Variants in GABBR2 observed in about 807,000 individuals in gnomAD.
GABBR2 encodes gamma-aminobutyric acid type B receptor subunit 2.
A neutral mutation model predicts 105.6 loss-of-function variants in GABBR2; 23 were observed. The ratio of observed to expected loss-of-function variants is 0.22; its 90% confidence interval spans 0.16 to 0.31. GABBR2 has a LOEUF of 0.31. GABBR2 is among the 10% of genes least tolerant of loss of function. The pLI is 1.00. For missense variants in GABBR2, 734 were observed against 1,245.5 expected (o/e 0.59, Z 6.18); for synonymous variants, 478 against 499.7 (o/e 0.96, Z 0.58).
chr9:98,475,900 T>TA (rs1376323979), intron 5 of GABBR2, among the ~76,000 whole-genome samples: 1 of 151,996 alleles, frequency 6.6e-6, no homozygotes, highest in Non-Finnish European at 1.5e-5. Context: ...TTGTCTGTAC[T>TA]AAAAAATACA....
chr9:98,307,980 T>A (rs1830576776), intron 14 of GABBR2, among the ~76,000 whole-genome samples: 1 of 152,218 alleles, frequency 6.6e-6, no homozygotes, highest in African/African-American at 2.4e-5. Context: ...ACACCTGTAA[T>A]CCCAGCACTT....
chr9:98,554,961 C>T (rs1200574588), intron 2 of GABBR2, among the ~76,000 whole-genome samples: 5 of 152,188 alleles, frequency 3.3e-5, no homozygotes, highest in African/African-American at 9.7e-5. Context: ...CACCTCCGCC[C>T]CTCCCTGTGC....
chr9:98,436,362 T>TCC (rs1825918396), intron 7 of GABBR2, among the ~76,000 whole-genome samples: 1 of 5,614 alleles, frequency 1.8e-4, no homozygotes, highest in African/African-American at 5.6e-4. Context: ...TATATATATA[T>TCC]ATATATATAT....
At chr9:98,386,158 A>T (rs994341110) in intron 10 of GABBR2, among the ~76,000 whole-genome samples, 3 of 151,472 alleles carry the variant, frequency 2.0e-5, no homozygotes, top group South Asian at 2.1e-4. Context: ...AGCTTGTCAC[A>T]TCAGCTTCTT....
At chr9:98,315,463 T>G (rs1281828045) in intron 13 of GABBR2, among the ~76,000 whole-genome samples, 1 of 152,204 alleles carries the variant, frequency 6.6e-6, no homozygotes, top group Non-Finnish European at 1.5e-5. Context: ...CCTGTTCCTG[T>G]GAGGCTGGCA....
intron 13 of GABBR2, among the ~76,000 whole-genome samples, chr9:98,330,297 T>A (rs1454811190): frequency 6.6e-6 from 1 of 152,022 alleles, no homozygotes; most frequent in Non-Finnish European, 1.5e-5. Context: ...CAAGAAACCC[T>A]CTAAAATCAC....
At chr9:98,506,952 T>C (rs1827525847) in intron 3 of GABBR2, among the ~76,000 whole-genome samples, 1 of 151,980 alleles carries the variant, frequency 6.6e-6, no homozygotes, top group African/African-American at 2.4e-5. Flanking sequence ...AGGCTGCTCC[T>C]CTCCCCAGCC....
intron 7 of GABBR2, among the ~76,000 whole-genome samples, chr9:98,446,670 C>T (rs1025697297): frequency 6.6e-6 from 1 of 151,388 alleles, no homozygotes; most frequent in African/African-American, 2.5e-5. Flanking sequence ...ACATGAGGTA[C>T]AGAGAAAGTT....
chr9:98,411,808 T>A (rs1013312879), intron 7 of GABBR2, among the ~76,000 whole-genome samples: 5 of 152,156 alleles, frequency 3.3e-5, no homozygotes, highest in Non-Finnish European at 2.9e-5. Context: ...CGGCCTCAAA[T>A]GATCATCCCA....
chr9:98,477,780 G>A (rs1296195589), intron 5 of GABBR2, among the ~76,000 whole-genome samples: 2 of 152,072 alleles, frequency 1.3e-5, no homozygotes, highest in Non-Finnish European at 2.9e-5. Flanking sequence ...TTATATTAAG[G>A]TTTACAACAA....
rs1826007294 is a variant in GABBR2 at position 98,440,289 on chromosome 9, C to T, written c.1236+13692G>A. On this transcript the variant is annotated intron_variant, in intron 7 of 18. Transcript: ENST00000259455. ...CAAACCTTCTGCAAAGATGTCCCAT[C>T]TCTATTTACAAGGAGCTTGATCTAA... Among the ~76,000 whole-genome samples the T allele has an allele frequency of 3.3e-5, 5 of 152,334 alleles. No homozygotes were observed. In the South Asian group the frequency reaches 1.0e-3, roughly 32 times the overall value.
intron 13 of GABBR2, among the ~76,000 whole-genome samples, chr9:98,362,082 A>G (rs558371606): frequency 7.4e-4 from 112 of 152,348 alleles, no homozygotes; most frequent in Admixed American, 1.6e-3. Flanking sequence ...ACTGCAGCTC[A>G]GCTGTAGCCC....
At chr9:98,522,182 G>A (rs1827881178) in intron 3 of GABBR2, among the ~76,000 whole-genome samples, 1 of 152,034 alleles carries the variant, frequency 6.6e-6, no homozygotes, top group Non-Finnish European at 1.5e-5. Flanking sequence ...ACAGTCTTGA[G>A]ATGTTCTCTC....
chr9:98,663,854 T>C (rs2151072), intron 1 of GABBR2, among the ~76,000 whole-genome samples: 141,272 of 152,170 alleles, frequency 0.93, 65,704 homozygotes, highest in Middle Eastern at 0.97. Context: ...ATACAAGTAA[T>C]CATAAACTGG....
chr9:98,595,733 G>GC (rs1392351551), intron 1 of GABBR2, among the ~76,000 whole-genome samples: 1 of 151,858 alleles, frequency 6.6e-6, no homozygotes, highest in East Asian at 1.9e-4. Context: ...GCACAAAATG[G>GC]CCCCATATCT....
At chr9:98,526,618 A>G (rs1827967533) in intron 3 of GABBR2, among the ~76,000 whole-genome samples, 1 of 152,034 alleles carries the variant, frequency 6.6e-6, no homozygotes, top group African/African-American at 2.4e-5. Context: ...TGTTTCCCCC[A>G]CTAGAATGTA....
chr9:98,525,224 C>T (rs1564103769), intron 3 of GABBR2, among the ~76,000 whole-genome samples: 1 of 152,190 alleles, frequency 6.6e-6, no homozygotes, highest in East Asian at 1.9e-4. Flanking sequence ...AAAAAGAACC[C>T]TTAGAATGGG....
rs1274884407 is a variant in GABBR2, at chr9:98,547,333, T to C, written c.460-5290A>G. Among the ~76,000 whole-genome samples, 77 of 117,104 alleles carry C rather than the reference T, an allele frequency of 6.6e-4. 14 individuals are homozygous for C. Among genetic ancestry groups the C allele is most frequent in the African/African-American group, 2.1e-3 (77 of 37,126 alleles). 76.8% of individuals were successfully genotyped at this position (117,104 alleles called of 152,430 possible). A position where few individuals can be genotyped will look rare whatever the true frequency, so the allele number is the denominator to read the frequency against. ...TTGTTTTATATTTATATTTTTATAATATATTTAACATATTTATTACATATA... is the reference window on the plus strand; with the variant it reads ...TTGTTTTATATTTATATTTTTATAACATATTTAACATATTTATTACATATA... On this transcript the variant is annotated intron_variant, in intron 2 of 18. Transcript: ENST00000259455.
chr9:98,564,533 T>C (rs1479149141), intron 2 of GABBR2, among the ~76,000 whole-genome samples: 1 of 152,238 alleles, frequency 6.6e-6, no homozygotes, highest in Non-Finnish European at 1.5e-5. Context: ...TGCCTCAGTT[T>C]TCTCATCTGT....
Sources: allele counts gnomAD v4.1 joint callset (sites outside exome capture counted in the v4.1 genomes callset), GRCh38; gene constraint gnomAD v4.1.1; transcripts MANE v1.5; gene names NCBI Gene and HGNC (gene_info 2026-07-23, HGNC 2026-07-21).